Variants in PPP1R3F observed in about 807,000 individuals in gnomAD.
PPP1R3F encodes the protein protein phosphatase 1 regulatory subunit 3F.
PPP1R3F carries 29 observed loss-of-function variants against 24.2 expected under a neutral mutation model. The observed-to-expected ratio is 1.20, with a 90% CI of 0.89 to 1.63. The LOEUF (loss-of-function observed/expected upper bound fraction) is 1.63. PPP1R3F is among the 40% of genes most tolerant of loss of function. The probability of loss-of-function intolerance (pLI) is 0.00; values close to 1 mark genes in which losing one functional copy is unlikely to be tolerated. For missense variants in PPP1R3F, 823 were observed against 729.3 expected (o/e 1.13, Z -1.48); for synonymous variants, 363 against 340.1 (o/e 1.07, Z -0.74).
intron 1 of PPP1R3F, among the ~76,000 whole-genome samples, chrX:49,277,955 T>C (rs1291641672): frequency 2.7e-5 from 3 of 112,489 alleles, no homozygotes; most frequent in Non-Finnish European, 5.6e-5. Flanking sequence ...TGCTTTCATA[T>C]CTGACTTTGG....
chrX:49,272,094 G>T (rs2066183845), intron 1 of PPP1R3F, among the ~76,000 whole-genome samples: 1 of 112,153 alleles, frequency 8.9e-6, no homozygotes, highest in African/African-American at 3.2e-5. Context: ...GTATACGCTT[G>T]GTCAGAAGCC....
In PPP1R3F at chrX:49,270,226, T is replaced by A; in HGVS notation, c.357T>A (p.Phe119Leu). Residue 119 changes from phenylalanine (F) to leucine (L), a missense_variant, in exon 1 of 4, where the codon TTT (phenylalanine) becomes TTA (leucine). By Grantham distance (22) the Phe-to-Leu change is conservative. Transcript: ENST00000055335. Reference protein sequence around the residue: ...AGGGFYLVPTFSLPPAPGRLE... With the variant: ...AGGGFYLVPTLSLPPAPGRLE... ...GGGGGTTTTACCTGGTCCCCACATTTTCGCTGCCGCCCGCGCCGGGCCGTC... is the reference window on the plus strand; with the variant it reads ...GGGGGTTTTACCTGGTCCCCACATTATCGCTGCCGCCCGCGCCGGGCCGTC... 1 of 1,095,507 alleles carries A rather than the reference T, an allele frequency of 9.1e-7. No homozygotes were observed. Among genetic ancestry groups the A allele is most frequent in the Non-Finnish European group, 1.2e-6 (1 of 847,145 alleles). 90.3% of individuals were successfully genotyped at this position (1,095,507 alleles called of 1,213,427 possible).
rs2066336507 is a variant in PPP1R3F, at chrX:49,301,300, T to C, written c.393-51T>C. 2.9e-5 allele frequency: 15 copies of C among 515,832 alleles called. No individual in the cohort carries two copies. The South Asian group carries it at 3.4e-4, about 12-fold the overall frequency. The allele number at this position is 515,832 out of a possible 1,213,427, so 42.5% of individuals were successfully genotyped here. A position where few individuals can be genotyped will look rare whatever the true frequency, so the allele number is the denominator to read the frequency against. On this transcript the variant is annotated intron_variant, in intron 3 of 3. Transcript: ENST00000471261. ...TGCTTTACATGCCTTTAGAATCATATAAATAAACTGCTGTTAAGTAATGTT... is the reference window on the plus strand; with the variant it reads ...TGCTTTACATGCCTTTAGAATCATACAAATAAACTGCTGTTAAGTAATGTT...
In PPP1R3F at chrX:49,269,833, CGCCGCCGGTGCCGTCGGT is replaced by C; in HGVS notation, c.-29_-12del. On this transcript the variant is annotated 5_prime_UTR_variant, in exon 1 of 4. Transcript: ENST00000055335. ...CTTCAGGCCCTGCCCCCGCCGGTCC[CGCCGCCGGTGCCGTCGGT>C]GCCGCCGCCGCCGCCGATATGGCGC... 1.2e-6 allele frequency: 1 copy of C among 864,001 alleles called. No homozygotes were observed. Among genetic ancestry groups the C allele is most frequent in the Non-Finnish European group, 1.4e-6 (1 of 703,930 alleles). 71.2% of individuals were successfully genotyped at this position (864,001 alleles called of 1,213,427 possible). A position where few individuals can be genotyped will look rare whatever the true frequency, so the allele number is the denominator to read the frequency against.
In PPP1R3F at chrX:49,285,824, A is replaced by G. The variant is rs1203328745; in HGVS notation, c.1144-10A>G. On this transcript the variant is annotated splice_polypyrimidine_tract_variant and intron_variant, in intron 3 of 3. Transcript: ENST00000055335. Reference sequence around the variant, plus strand: ...TTTTCTCTGCCCCCTTGCCCCGGCCATGGCTCCAGGTTTCTGACGTTCCGA... The same window carrying G: ...TTTTCTCTGCCCCCTTGCCCCGGCCGTGGCTCCAGGTTTCTGACGTTCCGA... 8.9e-7 allele frequency: 1 copy of G among 1,127,359 alleles called. No homozygotes were observed. The highest frequency in any genetic ancestry group is 1.8e-5 in the African/African-American group (1 of 55,084). The allele number at this position is 1,127,359 out of a possible 1,213,427, so 92.9% of individuals were successfully genotyped here.
At chrX:49,280,865 A>G (rs1557120623) in intron 1 of PPP1R3F, 1 of 112,357 alleles carries the variant, frequency 8.9e-6, no homozygotes, top group East Asian at 2.8e-4. Flanking sequence ...GGGTTCTTCT[A>G]TCTTTTCTCT....
At chrX:49,291,682 A>AGATAAAAATAGAGC (rs1485458123), downstream of PPP1R3F, among the ~76,000 whole-genome samples, 2 of 109,982 alleles carry the variant, frequency 1.8e-5, no homozygotes, top group Admixed American at 9.8e-5. Flanking sequence ...CTCTATTTTT[A>AGATAAAAATAGAGC]TCACCCATTT....
At chrX:49,296,457 T>TA (rs1188557415) in intron 3 of PPP1R3F, among the ~76,000 whole-genome samples, 13 of 111,710 alleles carry the variant, frequency 1.2e-4, no homozygotes, top group African/African-American at 3.9e-4. Context: ...GTTAATCTTT[T>TA]AAAAAAACCA....
At chrX:49,291,288 T>TTCTCTCTCTCTCTCTCTCTCTCTC (rs781932322), downstream of PPP1R3F, among the ~76,000 whole-genome samples, 18 of 50,605 alleles carry the variant, frequency 3.6e-4, no homozygotes, top group Non-Finnish European at 5.0e-4. Context: ...CAGCCTACTT[T>TTCTCTCTCTCTCTCTCTCTCTCTC]TCTCTCTCTC....
At chrX:49,284,433 CTTTCT>C (rs1225358640) in intron 3 of PPP1R3F, among the ~76,000 whole-genome samples, 11 of 97,655 alleles carry the variant, frequency 1.1e-4, no homozygotes, top group African/African-American at 4.1e-4. Flanking sequence ...CTCTCTCTTT[CTTTCT>C]TTTCTTTTAC....
downstream of PPP1R3F, among the ~76,000 whole-genome samples, chrX:49,289,143 A>G (rs1410828359): frequency 8.9e-6 from 1 of 111,767 alleles, no homozygotes; most frequent in Non-Finnish European, 1.9e-5. Flanking sequence ...AAACAAAACA[A>G]AAAACAAGGC....
At position 49,270,456 on chromosome X, in the gene PPP1R3F, C is replaced by G; in HGVS notation, c.587C>G (p.Ala196Gly). The change falls in exon 1 of 4, where the codon GCG becomes GGG. Residue 196 changes from alanine to glycine, a missense_variant. Ala to Gly is a moderately conservative substitution (Grantham distance 60). Coordinates refer to ENST00000055335, the MANE Select transcript of PPP1R3F (RefSeq NM_033215.5). The part of the protein sequence containing the change: ...DGWASFCDHP[A>G]RYVPRSPPWA... The stretch of plus-strand genomic sequence containing the variant: ...TGGGCTTCCTTTTGCGACCACCCAG[C>G]GCGCTACGTCCCGCGCAGCCCGCCG... 5.8e-6 allele frequency: 7 copies of G among 1,199,955 alleles called. No individual in the cohort carries two copies. The highest frequency in any genetic ancestry group is 7.8e-6 in the Non-Finnish European group (7 of 893,833).
rs139628291 is a variant in PPP1R3F at position 49,275,994 on chromosome X, G to A, written c.1004+5121G>A. On this transcript the variant is annotated intron_variant, in intron 1 of 3. Transcript: ENST00000055335. ...ACTGGAGTTGAACGGGACAAGTCAG[G>A]GGCATCTTAGTTTTCTGTAGAGTGA... 9.3e-3 allele frequency among the ~76,000 whole-genome samples: 1,042 copies of A among 112,304 alleles called. 4 individuals carry two copies. The highest frequency in any genetic ancestry group is 0.015 in the Non-Finnish European group (808 of 53,200).
chrX:49,298,522 G>T (rs1297684698), intron 3 of PPP1R3F, among the ~76,000 whole-genome samples: 1 of 111,563 alleles, frequency 9.0e-6, no homozygotes, highest in African/African-American at 3.3e-5. Context: ...GTATCTTTGT[G>T]CTGTTCTCTG....
At position 49,270,511 on chromosome X, in the gene PPP1R3F, A is replaced by C. The variant is rs1281998124; in HGVS notation, c.642A>C (p.Gly214=). The change falls in exon 1 of 4, where the codon GGA becomes GGC. Residue 214 remains glycine (G), a synonymous_variant. Transcript: ENST00000055335. ...PWAGAGGTGA[G]DPILDPGLGL... is the part of the protein sequence containing the mutation. ...CAGGAGCGGGAGGAACAGGAGCAGG[A>C]GATCCCATCCTGGATCCGGGGCTCG... 1 of 1,206,134 alleles carries C rather than the reference A, an allele frequency of 8.3e-7. No homozygotes were observed. Among genetic ancestry groups the C allele is most frequent in the Non-Finnish European group, 1.1e-6 (1 of 894,977 alleles).
chrX:49,280,549 C>CTTTTTTTT (rs782591947), intron 1 of PPP1R3F, among the ~76,000 whole-genome samples: 1 of 79,633 alleles, frequency 1.3e-5, no homozygotes, highest in Non-Finnish European at 2.5e-5. Flanking sequence ...GCGTCTGGCC[C>CTTTTTTTT]TTTTTTTTTT....
chrX:49,291,290 C>T (rs1046352148), downstream of PPP1R3F, among the ~76,000 whole-genome samples: 420 of 60,093 alleles, frequency 7.0e-3, 1 homozygote, highest in Non-Finnish European at 9.2e-3. Flanking sequence ...GCCTACTTTT[C>T]TCTCTCTCTC....
At chrX:49,294,243 AC>A (rs1409526205) in intron 3 of PPP1R3F, among the ~76,000 whole-genome samples, 1 of 105,582 alleles carries the variant, frequency 9.5e-6, no homozygotes, top group Non-Finnish European at 1.9e-5. Flanking sequence ...TCACCCCCTC[AC>A]CCACGCAACA....
At chrX:49,288,862 C>T (rs782478953), downstream of PPP1R3F, among the ~76,000 whole-genome samples, 10 of 111,941 alleles carry the variant, frequency 8.9e-5, no homozygotes, top group South Asian at 3.7e-4. Flanking sequence ...GAGGCAGGGC[C>T]GGGTGCTGTG....
Sources: allele counts gnomAD v4.1 joint callset (sites outside exome capture counted in the v4.1 genomes callset), GRCh38; gene constraint gnomAD v4.1.1; transcripts MANE v1.5; gene names NCBI Gene and HGNC (gene_info 2026-07-23, HGNC 2026-07-21).